TPRG1: variants seen among roughly 807,000 people sequenced by gnomAD.
TPRG1 encodes tumor protein p63 regulated 1.
In TPRG1, 29 loss-of-function variants were observed where a neutral mutation model predicts 29.3. The observed-to-expected ratio is 0.99, with a 90% CI of 0.74 to 1.35. The LOEUF (loss-of-function observed/expected upper bound fraction) is 1.35, where lower values mean the gene tolerates loss of function less well. TPRG1 is among the 40% of genes most tolerant of loss of function. TPRG1 has a pLI of 0.00. For synonymous variants in TPRG1, 130 were observed against 116.8 expected (o/e 1.11, Z -0.73); for missense variants, 327 against 335.0 (o/e 0.98, Z 0.19).
chr3:189,112,590 A>G (rs1310174418), intron 1 of TPRG1, among the ~76,000 whole-genome samples: 1 of 152,212 alleles, frequency 6.6e-6, no homozygotes, highest in Non-Finnish European at 1.5e-5. Flanking sequence ...AGCTTTCCAC[A>G]TGTGGCTAGC....
rs561103921 is a variant in TPRG1 at position 189,137,692 on chromosome 3, G to A, written c.-291+4995G>A. On this transcript the variant is annotated intron_variant, in intron 3 of 6. Coordinates refer to the TPRG1 transcript ENST00000412373. ...AGTGAGCGGGAGAGAGAGGCAGGAG[G>A]CCTATTTTGATAGGGAAGTTCCGCA... is the stretch of plus-strand genomic sequence containing the variant. Among the ~76,000 whole-genome samples, 4 of 152,180 alleles carry A rather than the reference G, an allele frequency of 2.6e-5. No individual in the cohort carries two copies. The East Asian group carries it at 7.8e-4, about 29-fold the overall frequency.
chr3:189,147,614 C>A (rs991193829), exon 4 of TPRG1: 1 of 152,226 alleles, frequency 6.6e-6, no homozygotes, highest in Non-Finnish European at 1.5e-5. Context: ...CCCTTTGCTT[C>A]TAAGAAGTTC....
In TPRG1 at chr3:189,018,422, G is replaced by A. The variant is rs1578197342; in HGVS notation, c.-659-5328G>A. ...TGATTTTTGTATAAGGTGTAAGGAA[G>A]GAATCCAGTTTCAGCTTTCTACATA... On this transcript the variant is annotated intron_variant, in intron 3 of 10. Coordinates refer to the TPRG1 transcript ENST00000433971. 1.4e-5 allele frequency among the ~76,000 whole-genome samples: 2 copies of A among 146,760 alleles called. 1 individual carries two copies. The highest frequency in any genetic ancestry group is 6.9e-3 in the Middle Eastern group (2 of 288).
At chr3:189,165,163 G>C (rs183785141) in intron 5 of TPRG1, among the ~76,000 whole-genome samples, 8 of 152,156 alleles carry the variant, frequency 5.3e-5, no homozygotes, top group African/African-American at 1.9e-4. Flanking sequence ...ACCTAGGAAC[G>C]TTTATATCAT....
At chr3:189,069,405 C>T (rs796806942) in intron 4 of TPRG1, among the ~76,000 whole-genome samples, 35 of 152,216 alleles carry the variant, frequency 2.3e-4, no homozygotes, top group African/African-American at 7.2e-4. Flanking sequence ...GAGATTCTTT[C>T]GGTGATGGAA....
chr3:189,099,474 A>G (rs1366969673), upstream of TPRG1, among the ~76,000 whole-genome samples: 1 of 151,878 alleles, frequency 6.6e-6, no homozygotes, highest in Non-Finnish European at 1.5e-5. Context: ...TGCATTTTTC[A>G]TCTCCTTCAG....
intron 3 of TPRG1, among the ~76,000 whole-genome samples, chr3:189,139,475 C>T (rs753778166): frequency 2.7e-4 from 41 of 152,208 alleles, no homozygotes; most frequent in Admixed American, 4.6e-4. Flanking sequence ...AGCTGTCAAA[C>T]AGTGCGTGCC....
rs534048429 is a variant in TPRG1, at chr3:189,023,136, C to T, written c.-659-614C>T. On this transcript the variant is annotated intron_variant, in intron 3 of 10. Coordinates refer to the TPRG1 transcript ENST00000433971. Reference sequence around the variant, plus strand: ...ACCTGCGCCCACTGTCTGGCACTCCCTAGTGAGATGAACCCGGTACCTCAG... The same window carrying T: ...ACCTGCGCCCACTGTCTGGCACTCCTTAGTGAGATGAACCCGGTACCTCAG... 2.6e-5 allele frequency among the ~76,000 whole-genome samples: 4 copies of T among 152,346 alleles called. No individual in the cohort carries two copies. In the South Asian group the frequency reaches 8.3e-4, roughly 32 times the overall value.
chr3:189,289,379 C>G (rs1244925529), intron 4 of TPRG1, among the ~76,000 whole-genome samples: 1 of 151,732 alleles, frequency 6.6e-6, no homozygotes. Flanking sequence ...CTTTCTGTTC[C>G]TACTGTCATG....
intron 5 of TPRG1, among the ~76,000 whole-genome samples, chr3:189,158,473 G>A (rs999654374): frequency 1.3e-5 from 2 of 152,064 alleles, no homozygotes; most frequent in Admixed American, 6.6e-5. Flanking sequence ...GCCAGGCGTG[G>A]TGGCTTGCGG....
At chr3:189,279,329 A>G (rs895098680) in intron 4 of TPRG1, among the ~76,000 whole-genome samples, 2 of 152,198 alleles carry the variant, frequency 1.3e-5, no homozygotes, top group Admixed American at 6.5e-5. Context: ...AGTTGAAGGT[A>G]GAGATCACAA....
chr3:189,163,229 C>T (rs1485842276), intron 5 of TPRG1, among the ~76,000 whole-genome samples: 2 of 152,126 alleles, frequency 1.3e-5, no homozygotes, highest in Non-Finnish European at 2.9e-5. Flanking sequence ...GCCAAGATGG[C>T]ACCATTGCAC....
intron 4 of TPRG1, among the ~76,000 whole-genome samples, chr3:189,045,608 G>A (rs946263845): frequency 4.6e-5 from 7 of 152,168 alleles, no homozygotes; most frequent in African/African-American, 9.7e-5. Flanking sequence ...TACAGTGCAC[G>A]GAATAGAAGC....
intron 4 of TPRG1, among the ~76,000 whole-genome samples, chr3:189,081,256 A>T (rs1337296623): frequency 2.0e-5 from 3 of 152,140 alleles, no homozygotes; most frequent in South Asian, 2.1e-4. Context: ...ATGAATGAGG[A>T]AAAAATGCGT....
intron 3 of TPRG1, among the ~76,000 whole-genome samples, chr3:189,146,070 C>A (rs4686500): frequency 0.31 from 47,413 of 151,996 alleles, 7,820 homozygotes; most frequent in Admixed American, 0.44. Flanking sequence ...ATATTAAAAC[C>A]TTTTTCTGTA....
chr3:189,193,668 A>G (rs1171987123), intron 1 of TPRG1, among the ~76,000 whole-genome samples: 2 of 149,854 alleles, frequency 1.3e-5, no homozygotes, highest in African/African-American at 4.9e-5. Flanking sequence ...TCAAATTCAG[A>G]GATTCTTCTG....
chr3:189,207,157 C>T, intron 1 of TPRG1: 6 of 984,812 alleles, frequency 6.1e-6, no homozygotes, highest in Non-Finnish European at 7.2e-6. Context: ...CGGAGAGTCT[C>T]TCCTTCACTT....
chr3:189,017,264 A>T (rs538755817), intron 3 of TPRG1, among the ~76,000 whole-genome samples: 1 of 151,300 alleles, frequency 6.6e-6, no homozygotes, highest in Admixed American at 6.6e-5. Flanking sequence ...GTTTTAGGGT[A>T]CATGTGCACA....
chr3:189,031,119 A>G (rs1175796651), intron 4 of TPRG1, among the ~76,000 whole-genome samples: 3 of 152,086 alleles, frequency 2.0e-5, no homozygotes, highest in South Asian at 2.1e-4. Context: ...CGTCTCTACT[A>G]AAAATACAAC....
Sources: gnomAD v4.1 joint callset for allele counts (sites outside exome capture counted in the v4.1 genomes callset) on GRCh38, gnomAD v4.1.1 for gene constraint, MANE v1.5 for transcripts, NCBI Gene and HGNC (gene_info 2026-07-23, HGNC 2026-07-21) for gene names.